The following TBC1D5 variants were observed in gnomAD, a reference collection of about 807,000 sequenced individuals.
TBC1D5 encodes the protein TBC1 domain family member 5, also known as TBC1 domain family, member 5.
A neutral mutation model predicts 100.3 loss-of-function variants in TBC1D5; 75 were observed. The ratio of observed to expected loss-of-function variants is 0.75; its 90% CI spans 0.62 to 0.91. TBC1D5 has a LOEUF of 0.91. Among genes scored for constraint, TBC1D5 ranks in the 40% least tolerant of loss-of-function variants. The pLI is 0.00. For synonymous variants in TBC1D5, 323 were observed against 325.6 expected, an observed-to-expected ratio of 0.99 and a Z score of 0.09; for missense variants, 910 against 942.4, an observed-to-expected ratio of 0.97 and a Z score of 0.45.
intron 1 of TBC1D5, among the ~76,000 whole-genome samples, chr3:17,663,532 T>C (rs1022201710): frequency 2.6e-5 from 4 of 152,176 alleles, no homozygotes; most frequent in South Asian, 2.1e-4. Context: ...TTTTCTCTTA[T>C]AAAATTAGCA....
intron 18 of TBC1D5, among the ~76,000 whole-genome samples, chr3:17,189,594 T>C (rs1170325294): frequency 1.3e-5 from 2 of 152,208 alleles, no homozygotes; most frequent in African/African-American, 2.4e-5. Context: ...TCACACAAAC[T>C]TCTGAGGTAT....
chr3:17,213,052 A>G (rs561894687), intron 18 of TBC1D5, among the ~76,000 whole-genome samples: 3 of 152,208 alleles, frequency 2.0e-5, no homozygotes, highest in South Asian at 2.1e-4. Flanking sequence ...TCCAGGCTCC[A>G]TTCATAAGTG....
chr3:17,257,037 CAA>C (rs2077770591), intron 16 of TBC1D5, among the ~76,000 whole-genome samples: 1 of 151,862 alleles, frequency 6.6e-6, no homozygotes, highest in Non-Finnish European at 1.5e-5. Context: ...GAGATAAGGT[CAA>C]AGAGATAGGA....
At chr3:17,277,910 G>A (rs778088620) in intron 15 of TBC1D5, among the ~76,000 whole-genome samples, 1 of 152,108 alleles carries the variant, frequency 6.6e-6, no homozygotes, top group Non-Finnish European at 1.5e-5. Context: ...ATTATCAAAC[G>A]ATCTCTAGAG....
At chr3:17,512,624 A>T (rs1015626949) in intron 2 of TBC1D5, among the ~76,000 whole-genome samples, 1 of 152,196 alleles carries the variant, frequency 6.6e-6, no homozygotes, top group African/African-American at 2.4e-5. Context: ...AAATAAAAGC[A>T]ATCTCATTTT....
At chr3:17,256,531 G>T (rs978465601) in intron 16 of TBC1D5, among the ~76,000 whole-genome samples, 1 of 151,294 alleles carries the variant, frequency 6.6e-6, no homozygotes, top group Non-Finnish European at 1.5e-5. Context: ...GGGAGAGAAG[G>T]CTAAAGAGAA....
intron 15 of TBC1D5, among the ~76,000 whole-genome samples, chr3:17,273,225 C>T (rs1441412903): frequency 6.6e-6 from 1 of 152,102 alleles, no homozygotes; most frequent in African/African-American, 2.4e-5. Context: ...TGTCTTCTTA[C>T]AGTTTTCCCA....
intron 3 of TBC1D5, among the ~76,000 whole-genome samples, chr3:17,454,740 A>G (rs1304562696): frequency 6.6e-6 from 1 of 152,176 alleles, no homozygotes; most frequent in Non-Finnish European, 1.5e-5. Context: ...GATTACAGGC[A>G]TGAGCCACCG....
chr3:17,411,290 ATAGTG>A (rs752299903), intron 4 of TBC1D5, among the ~76,000 whole-genome samples: 4 of 152,150 alleles, frequency 2.6e-5, no homozygotes, highest in Non-Finnish European at 5.9e-5. Flanking sequence ...AGATGACAGT[ATAGTG>A]TAATCATAAC....
chr3:17,535,040 A>G (rs571064847), intron 2 of TBC1D5, among the ~76,000 whole-genome samples: 1 of 152,330 alleles, frequency 6.6e-6, no homozygotes, highest in Admixed American at 6.5e-5. Flanking sequence ...CTAACTACTC[A>G]ATATCAATTT....
chr3:17,424,445 C>G (rs929634070), intron 4 of TBC1D5, among the ~76,000 whole-genome samples: 1 of 152,128 alleles, frequency 6.6e-6, no homozygotes, highest in African/African-American at 2.4e-5. Context: ...TCATGTTCTT[C>G]TCTCAGTTTT....
At chr3:17,406,335 C>T (rs1374599691) in intron 5 of TBC1D5, 83 bp downstream of exon 5, 4 of 1,218,486 alleles carry the variant, frequency 3.3e-6, no homozygotes, top group African/African-American at 1.5e-5. Flanking sequence ...TCAGTGATCC[C>T]CTGCATGGCT....
chr3:17,272,840 T>C (rs1178257933), intron 15 of TBC1D5, among the ~76,000 whole-genome samples: 2 of 152,314 alleles, frequency 1.3e-5, no homozygotes, highest in East Asian at 3.9e-4. Flanking sequence ...AAATTAAGAA[T>C]GAAAAACTGA....
intron 2 of TBC1D5, among the ~76,000 whole-genome samples, chr3:17,559,911 T>TA (rs1475609169): frequency 1.3e-5 from 2 of 152,040 alleles, no homozygotes; most frequent in Admixed American, 6.6e-5. Flanking sequence ...TTTTTAATGA[T>TA]AAAAAAGTCC....
At chr3:17,665,676 G>T (rs2067181408) in intron 1 of TBC1D5, among the ~76,000 whole-genome samples, 1 of 152,166 alleles carries the variant, frequency 6.6e-6, no homozygotes, top group African/African-American at 2.4e-5. Context: ...CCTGATCAGT[G>T]TGCTGTATGA....
At chr3:17,560,207 C>T (rs1433411314) in intron 2 of TBC1D5, among the ~76,000 whole-genome samples, 1 of 152,028 alleles carries the variant, frequency 6.6e-6, no homozygotes, top group Non-Finnish European at 1.5e-5. Context: ...AAGACAAGAT[C>T]GACAAAATCC....
intron 17 of TBC1D5, among the ~76,000 whole-genome samples, chr3:17,217,440 C>T (rs536474884): frequency 1.3e-5 from 2 of 152,186 alleles, no homozygotes; most frequent in East Asian, 1.9e-4. Flanking sequence ...TTTAACATTT[C>T]GAGAAACTGC....
intron 1 of TBC1D5, among the ~76,000 whole-genome samples, chr3:17,731,453 C>T (rs999615183): frequency 7.0e-6 from 1 of 143,656 alleles, no homozygotes; most frequent in Non-Finnish European, 1.5e-5. Flanking sequence ...TTGCAGTGAG[C>T]TGAGATCGTG....
intron 2 of TBC1D5, among the ~76,000 whole-genome samples, chr3:17,612,023 C>G (rs2061704588): frequency 6.6e-6 from 1 of 152,040 alleles, no homozygotes; most frequent in South Asian, 2.1e-4. Flanking sequence ...GAAAAGAAGG[C>G]AGGGCACAGT....
Sources: gnomAD v4.1 joint callset for allele counts (sites outside exome capture counted in the v4.1 genomes callset) on GRCh38, gnomAD v4.1.1 for gene constraint, MANE v1.5 for transcripts, NCBI Gene and HGNC (gene_info 2026-07-23, HGNC 2026-07-21) for gene names.